Variants in ADAMTSL1 observed in about 807,000 individuals in gnomAD.
ADAMTSL1 encodes the protein ADAMTS-like protein 1.
Under a neutral mutation model 201.8 loss-of-function variants are expected in ADAMTSL1, and 126 were observed. That is an observed-to-expected ratio of 0.62 (90% CI 0.54 to 0.72). The LOEUF (loss-of-function observed/expected upper bound fraction) is 0.72, where lower values mean the gene tolerates loss of function less well. Among genes scored for constraint, ADAMTSL1 ranks in the 30% least tolerant of loss-of-function variants. The pLI, the probability that ADAMTSL1 is intolerant of heterozygous loss-of-function variation, is 0.00. For synonymous variants in ADAMTSL1, 1,121 were observed against 903.4 expected (o/e 1.24, Z -4.32); for missense variants, 2,679 against 2,277.8 (o/e 1.18, Z -3.59).
intron 5 of ADAMTSL1, among the ~76,000 whole-genome samples, chr9:18,626,868 TG>T (rs1826403111): frequency 1.5e-5 from 2 of 130,120 alleles, no homozygotes; most frequent in South Asian, 2.5e-4. Flanking sequence ...TCTTTCTTTC[TG>T]TCTTTCTTCC....
chr9:18,423,513 A>G (rs551781255), intron 2 of ADAMTSL1, among the ~76,000 whole-genome samples: 1 of 152,216 alleles, frequency 6.6e-6, no homozygotes, highest in African/African-American at 2.4e-5. Context: ...GTGAATATGT[A>G]TTCAACAAAC....
At chr9:18,112,676 A>T (rs1049300445) in intron 1 of ADAMTSL1, among the ~76,000 whole-genome samples, 1 of 152,132 alleles carries the variant, frequency 6.6e-6, no homozygotes, top group Admixed American at 6.6e-5. Flanking sequence ...CATACATAGT[A>T]GTAGGAGACA....
chr9:18,906,985 C>G, intron 28 of ADAMTSL1, 73 bp downstream of exon 28: 1 of 1,554,884 alleles, frequency 6.4e-7, no homozygotes, highest in Non-Finnish European at 8.8e-7. Flanking sequence ...GTCCCTGGGA[C>G]CGACCCTGAG....
intron 1 of ADAMTSL1, among the ~76,000 whole-genome samples, chr9:18,059,842 T>C (rs1396934609): frequency 6.6e-6 from 1 of 152,206 alleles, no homozygotes; most frequent in Non-Finnish European, 1.5e-5. Flanking sequence ...TAAGGCTGTC[T>C]TATAAATCTT....
At chr9:18,893,044 G>C (rs1024769074) in intron 26 of ADAMTSL1, among the ~76,000 whole-genome samples, 11 of 151,456 alleles carry the variant, frequency 7.3e-5, no homozygotes, top group Admixed American at 2.0e-4. Context: ...TGAAGCTACC[G>C]CTCAATGCTA....
intron 1 of ADAMTSL1, among the ~76,000 whole-genome samples, chr9:18,153,134 T>C (rs1460396006): frequency 6.6e-6 from 1 of 152,064 alleles, no homozygotes; most frequent in Non-Finnish European, 1.5e-5. Context: ...CACTGTTGAT[T>C]CATTGAGCTT....
intron 1 of ADAMTSL1, among the ~76,000 whole-genome samples, chr9:18,067,997 A>T (rs75480504): frequency 0.012 from 1,762 of 152,158 alleles, 30 homozygotes; most frequent in African/African-American, 0.04. Context: ...TTAAAAACAA[A>T]ACAATTTGAA....
intron 1 of ADAMTSL1, among the ~76,000 whole-genome samples, chr9:18,090,096 A>G (rs181270150): frequency 6.6e-6 from 1 of 152,172 alleles, no homozygotes; most frequent in Non-Finnish European, 1.5e-5. Flanking sequence ...GATGTCTATT[A>G]TGAAAAAGAA....
At chr9:18,731,741 A>G (rs139824570) in intron 15 of ADAMTSL1, among the ~76,000 whole-genome samples, 2 of 152,276 alleles carry the variant, frequency 1.3e-5, no homozygotes, top group Admixed American at 1.3e-4. Flanking sequence ...AAGGCAGAGC[A>G]GGGGTAGCAT....
intron 4 of ADAMTSL1, among the ~76,000 whole-genome samples, chr9:18,599,032 C>G (rs1298387694): frequency 2.6e-5 from 4 of 152,044 alleles, no homozygotes; most frequent in East Asian, 3.9e-4. Context: ...CTGTCTCCTC[C>G]CTACTCCTGA....
chr9:18,626,758 A>G (rs1325970203), intron 5 of ADAMTSL1, among the ~76,000 whole-genome samples: 1 of 152,216 alleles, frequency 6.6e-6, no homozygotes, highest in African/African-American at 2.4e-5. Flanking sequence ...GTAGCTGTGG[A>G]AATGATGAGA....
In ADAMTSL1 at chr9:18,890,284, C is replaced by G. The variant is rs375671870; in HGVS notation, c.4643+536C>G. 1.5e-3 allele frequency among the ~76,000 whole-genome samples: 225 copies of G among 152,326 alleles called. 4 individuals carry two copies. The South Asian group carries it at 0.046, about 31-fold the overall frequency. On this transcript the variant is annotated intron_variant, in intron 25 of 28. Transcript: ENST00000380548. ...ATAAATCTCTGTTTCTGACAGTAGC[C>G]TCATGCTCTGCATTTGGGTCCCTTG...
At chr9:18,871,343 A>G (rs1827860858) in intron 23 of ADAMTSL1, among the ~76,000 whole-genome samples, 1 of 152,118 alleles carries the variant, frequency 6.6e-6, no homozygotes, top group South Asian at 2.1e-4. Flanking sequence ...CTTCCATGTT[A>G]TTACATAGTC....
Position 18,776,980 on chromosome 9 carries a change from C to A in ADAMTSL1, c.2751C>A (p.His917Gln). ...TCACCTGGGAGAAGGACGGCCAGCA[C>A]CTCATCAGCTCGACGCACGTCACGG... is the stretch of plus-strand genomic sequence containing the variant. ...PLITWEKDGQ[H>Q]LISSTHVTVA... Residue 917 changes from histidine (H) to glutamine (Q), a missense_variant, in exon 19 of 29, where the codon CAC (histidine) becomes CAA (glutamine). By Grantham distance (24) the His-to-Gln change is conservative. Coordinates refer to ENST00000380548, the MANE Select transcript of ADAMTSL1 (RefSeq NM_001040272.6). 6.3e-7 allele frequency: 1 copy of A among 1,599,876 alleles called. No individual in the cohort carries two copies. The highest frequency in any genetic ancestry group is 8.5e-7 in the Non-Finnish European group (1 of 1,171,524).
intron 1 of ADAMTSL1, among the ~76,000 whole-genome samples, chr9:18,063,365 G>A (rs1822545880): frequency 6.6e-6 from 1 of 152,138 alleles, no homozygotes; most frequent in African/African-American, 2.4e-5. Context: ...AATTGTAAAA[G>A]GTTCATGTGT....
At chr9:18,188,623 G>A (rs986132570) in intron 2 of ADAMTSL1, among the ~76,000 whole-genome samples, 2 of 152,286 alleles carry the variant, frequency 1.3e-5, no homozygotes, top group Admixed American at 6.5e-5. Flanking sequence ...GCCATTAGGT[G>A]GTGAGTTCTT....
At chr9:18,907,013 G>A in intron 28 of ADAMTSL1, 101 bp downstream of exon 28, 1 of 1,353,236 alleles carries the variant, frequency 7.4e-7, no homozygotes, top group South Asian at 1.3e-5. Context: ...CATGGGGTCA[G>A]CTTCCCCAGG....
chr9:18,267,618 G>C (rs1372255334), intron 2 of ADAMTSL1, among the ~76,000 whole-genome samples: 2 of 152,054 alleles, frequency 1.3e-5, no homozygotes, highest in Non-Finnish European at 2.9e-5. Context: ...AGAAAGAATA[G>C]ACAGAATTCT....
chr9:17,921,459 C>G (rs1253736814), intron 1 of ADAMTSL1, among the ~76,000 whole-genome samples: 1 of 152,094 alleles, frequency 6.6e-6, no homozygotes. Context: ...CTTTTGTCAT[C>G]TTTATTTATT....
Sources: gnomAD v4.1 joint callset for allele counts (sites outside exome capture counted in the v4.1 genomes callset) on GRCh38, gnomAD v4.1.1 for gene constraint, MANE v1.5 for transcripts, NCBI Gene and HGNC (gene_info 2026-07-23, HGNC 2026-07-21) for gene names.